Variants in NUDT19 observed in about 807,000 individuals in gnomAD.
NUDT19 encodes the protein acyl-coenzyme A diphosphatase NUDT19.
In NUDT19, 31 loss-of-function variants were observed where a neutral mutation model predicts 22.2. The observed-to-expected ratio is 1.40, with a 90% CI of 1.05 to 1.89. NUDT19 has a LOEUF of 1.89. Ranked by LOEUF, NUDT19 falls within the 40% of genes most tolerant of loss-of-function variation. The pLI is 0.00. For synonymous variants in NUDT19, 325 were observed against 230.8 expected (o/e 1.41, Z -3.70); for missense variants, 752 against 514.2 (o/e 1.46, Z -4.47).
chr19:32,703,908 C>T (rs1968361291), intron 1 of NUDT19, among the ~76,000 whole-genome samples: 1 of 151,670 alleles, frequency 6.6e-6, no homozygotes, highest in Admixed American at 6.6e-5. Context: ...GGTGATCCAC[C>T]CAGCTGGGCC....
chr19:32,711,419 C>T (rs573900402), intron 2 of NUDT19, among the ~76,000 whole-genome samples: 5 of 152,086 alleles, frequency 3.3e-5, no homozygotes, highest in Non-Finnish European at 5.9e-5. Context: ...GCCGAGATCG[C>T]GCCACTGCAC....
intron 1 of NUDT19, among the ~76,000 whole-genome samples, chr19:32,703,499 C>T (rs1042292380): frequency 5.9e-5 from 9 of 151,758 alleles, no homozygotes; most frequent in South Asian, 2.1e-4. Context: ...CAGGCATGCA[C>T]CCACCATGGC....
intron 1 of NUDT19, among the ~76,000 whole-genome samples, chr19:32,704,185 T>G (rs1466152950): frequency 6.6e-6 from 1 of 152,210 alleles, no homozygotes; most frequent in Non-Finnish European, 1.5e-5. Context: ...TTTTTCCTTA[T>G]GTACCTAAAA....
intron 1 of NUDT19, among the ~76,000 whole-genome samples, chr19:32,701,199 GTTTTT>G (rs3042685): frequency 0.054 from 5,436 of 101,018 alleles, 133 homozygotes; most frequent in African/African-American, 0.12. Flanking sequence ...CATCTTGCAG[GTTTTT>G]TTTTTTTTTT....
intron 1 of NUDT19, among the ~76,000 whole-genome samples, chr19:32,705,207 G>A (rs1157389803): frequency 6.6e-6 from 1 of 151,744 alleles, no homozygotes; most frequent in African/African-American, 2.4e-5. Context: ...TGGATCACGA[G>A]GTCAGCAGTT....
intron 1 of NUDT19, among the ~76,000 whole-genome samples, chr19:32,695,735 C>T (rs1299293182): frequency 2.0e-5 from 3 of 152,214 alleles, no homozygotes. Flanking sequence ...CCATGATTTC[C>T]TTGTGGTATT....
chr19:32,704,204 C>A (rs1968364116), intron 1 of NUDT19, among the ~76,000 whole-genome samples: 1 of 151,828 alleles, frequency 6.6e-6, no homozygotes, highest in African/African-American at 2.4e-5. Context: ...AAATATTGCT[C>A]CCTTATTTGC....
intron 1 of NUDT19, among the ~76,000 whole-genome samples, chr19:32,703,648 CTTTTTTTTTTTTT>C (rs60766132): frequency 8.8e-5 from 6 of 68,344 alleles, no homozygotes; most frequent in East Asian, 6.1e-4. Flanking sequence ...TGTGCCCAGC[CTTTTTTTTTTTTT>C]TTTTTTTTTT....
chr19:32,707,172 G>C (rs188182100), intron 1 of NUDT19, among the ~76,000 whole-genome samples: 10 of 152,332 alleles, frequency 6.6e-5, no homozygotes, highest in Admixed American at 3.9e-4. Flanking sequence ...ACCTGAACAG[G>C]TTGGATTAAG....
At chr19:32,696,627 G>T (rs10421156) in intron 1 of NUDT19, among the ~76,000 whole-genome samples, 7,434 of 152,218 alleles carry the variant, frequency 0.049, 305 homozygotes, top group South Asian at 0.11. Flanking sequence ...TCCAGCTTTG[G>T]CTAATATATC....
chr19:32,703,658 T>C (rs1968358411), intron 1 of NUDT19, among the ~76,000 whole-genome samples: 2 of 110,350 alleles, frequency 1.8e-5, no homozygotes, highest in South Asian at 3.9e-4. Context: ...CTTTTTTTTT[T>C]TTTTTTTTTT....
At chr19:32,694,117 G>A (rs1022887148) in intron 1 of NUDT19, among the ~76,000 whole-genome samples, 2 of 152,198 alleles carry the variant, frequency 1.3e-5, no homozygotes, top group African/African-American at 4.8e-5. Flanking sequence ...AATTTGACAA[G>A]GAGGTTAAAA....
chr19:32,692,091 T>A lies in NUDT19; in HGVS notation c.131T>A (p.Leu44Gln), dbSNP rs1439318364. 3 of 1,347,836 alleles carry A rather than the reference T, an allele frequency of 2.2e-6. No individual in the cohort carries two copies. The highest frequency in any genetic ancestry group is 2.8e-6 in the Non-Finnish European group (3 of 1,052,910). 83.5% of individuals were successfully genotyped at this position (1,347,836 alleles called of 1,614,324 possible). A position where few individuals can be genotyped will look rare whatever the true frequency, so the allele number is the denominator to read the frequency against. The stretch of plus-strand genomic sequence containing the variant: ...CCGCCGCCGGCCGAGGGCTTCCGGC[T>A]GCTGCTGCTGCAGCGCTCCCCGCAC... ...SRPPPAEGFR[L>Q]LLLQRSPHQG... Residue 44 changes from leucine (L) to glutamine (Q), a missense_variant, in exon 1 of 3, where the codon CTG (leucine) becomes CAG (glutamine). Transcript: ENST00000397061.
rs1968450905 is a variant in NUDT19 at position 32,711,849 on chromosome 19, C to T, written c.1020C>T (p.His340=). 1 of 1,613,544 alleles carries T rather than the reference C, an allele frequency of 6.2e-7. No individual in the cohort carries two copies. Among genetic ancestry groups the T allele is most frequent in the Admixed American group, 1.7e-5 (1 of 60,000 alleles). The change falls in exon 3 of 3, where the codon CAC becomes CAT. Residue 340 remains histidine, a synonymous_variant. Transcript: ENST00000397061. Reference sequence around the variant, plus strand: ...TCATGAAGGAAGGCAAGCAGTTTCACCGGATAGTGACATACCATCGCCACC... The same window carrying T: ...TCATGAAGGAAGGCAAGCAGTTTCATCGGATAGTGACATACCATCGCCACC... ...EEIMKEGKQF[H]RIVTYHRHLY...
chr19:32,692,114 C>G lies in NUDT19; in HGVS notation c.154C>G (p.His52Asp). The change falls in exon 1 of 3, where the codon CAC (histidine) becomes GAC (aspartate). Residue 52 changes from histidine to aspartate, a missense_variant. Transcript: ENST00000397061. ...FRLLLLQRSP[H>D]QGFMPGAHVF... Reference sequence around the variant, plus strand: ...GCTGCTGCTGCTGCAGCGCTCCCCGCACCAAGGCTTCATGCCGGGCGCGCA... The same window carrying G: ...GCTGCTGCTGCTGCAGCGCTCCCCGGACCAAGGCTTCATGCCGGGCGCGCA... The G allele has an allele frequency of 6.9e-7, 1 of 1,446,742 alleles. No homozygotes were observed. The highest frequency in any genetic ancestry group is 9.0e-7 in the Non-Finnish European group (1 of 1,108,742). The allele number at this position is 1,446,742 out of a possible 1,614,324, so 89.6% of individuals were successfully genotyped here.
At chr19:32,705,106 C>CA (rs34871387) in intron 1 of NUDT19, among the ~76,000 whole-genome samples, 14,488 of 53,950 alleles carry the variant, frequency 0.27, 1,833 homozygotes, top group African/African-American at 0.29. Context: ...GACTTCATCT[C>CA]AAAAAAAAAA....
At chr19:32,696,935 G>A (rs562512088) in intron 1 of NUDT19, among the ~76,000 whole-genome samples, 6 of 152,282 alleles carry the variant, frequency 3.9e-5, no homozygotes, top group African/African-American at 1.4e-4. Context: ...CAGTCTTGTT[G>A]CATCATCTGG....
intron 2 of NUDT19, among the ~76,000 whole-genome samples, chr19:32,709,598 T>G (rs1221143789): frequency 6.6e-6 from 1 of 152,174 alleles, no homozygotes; most frequent in Non-Finnish European, 1.5e-5. Context: ...ACACATACAT[T>G]TATATTAATA....
At chr19:32,704,831 G>A (rs1459133710) in intron 1 of NUDT19, among the ~76,000 whole-genome samples, 1 of 152,032 alleles carries the variant, frequency 6.6e-6, no homozygotes, top group Non-Finnish European at 1.5e-5. Context: ...TTTGGGCCGG[G>A]CATGGTGGTT....
Sources: gnomAD v4.1 joint callset for allele counts (sites outside exome capture counted in the v4.1 genomes callset) on GRCh38, gnomAD v4.1.1 for gene constraint, MANE v1.5 for transcripts, NCBI Gene and HGNC (gene_info 2026-07-23, HGNC 2026-07-21) for gene names.